The following BRCA1 variants were observed in gnomAD, a reference collection of about 807,000 sequenced individuals.
The protein encoded by BRCA1 is breast cancer type 1 susceptibility protein.
In BRCA1, 140 loss-of-function variants were observed where a neutral mutation model predicts 173.7. The ratio of observed to expected loss-of-function variants is 0.81; its 90% CI spans 0.70 to 0.93. The LOEUF is 0.93. BRCA1 is among the 40% of genes least tolerant of loss of function. The pLI, the probability that BRCA1 is intolerant of heterozygous loss-of-function variation, is 0.00. For synonymous variants in BRCA1, 662 were observed against 756.0 expected, an observed-to-expected ratio of 0.88 and a Z score of 2.04; for missense variants, 1,983 against 2,172.5, an observed-to-expected ratio of 0.91 and a Z score of 1.73.
rs35584960 is a variant in BRCA1 at position 43,102,357 on chromosome 17, C to CTT, written c.441+1763_441+1764dup. ...AAGTGCTGGGATTACAGGCGTGAAG[C>CTT]TTTTTTTTTTTTTTTTTTGAGACGG... On this transcript the variant is annotated intron_variant, in intron 6 of 22. Transcript: ENST00000357654. Among the ~76,000 whole-genome samples, 468 of 93,176 alleles carry CTT rather than the reference C, an allele frequency of 5.0e-3. 33 individuals carry two copies. Among genetic ancestry groups the CTT allele is most frequent in the African/African-American group, 0.017 (384 of 22,848 alleles). 61.1% of individuals were successfully genotyped at this position (93,176 alleles called of 152,430 possible).
At chr17:43,169,487 A>C (rs2056301890) in intron 1 of BRCA1, among the ~76,000 whole-genome samples, 1 of 152,132 alleles carries the variant, frequency 6.6e-6, no homozygotes, top group Non-Finnish European at 1.5e-5. Flanking sequence ...GTTCTTATAC[A>C]CATGGTGTCC....
rs1555581858 is a variant in BRCA1, at chr17:43,074,377, C to T, written c.4629G>A (p.Gly1543=). The T allele has an allele frequency of 1.2e-6, 2 of 1,614,080 alleles. No individual in the cohort carries two copies. The highest frequency in any genetic ancestry group is 1.7e-6 in the Non-Finnish European group (2 of 1,179,988). The change falls in exon 14 of 23, where the codon GGG becomes GGA. Residue 1543 remains glycine (G), a synonymous_variant. Coordinates refer to ENST00000357654, the MANE Select transcript of BRCA1 (RefSeq NM_007294.4). ...AAGATGTTTCCGTCAAATCGTGTGG[C>T]CCAGACTCTTCCAGCTGTTGCTCCT... ...DVEEQQLEES[G]PHDLTETSYL... is the part of the protein sequence containing the mutation.
At position 43,087,963 on chromosome 17, in the gene BRCA1, T is replaced by C. The variant is rs8176167; in HGVS notation, c.4185+2981A>G. 9.5e-3 allele frequency among the ~76,000 whole-genome samples: 1,440 copies of C among 152,090 alleles called. 16 individuals are homozygous for C. Among genetic ancestry groups the C allele is most frequent in the Middle Eastern group, 0.041 (12 of 294 alleles). On this transcript the variant is annotated intron_variant, in intron 11 of 22. Coordinates refer to ENST00000357654, the MANE Select transcript of BRCA1 (RefSeq NM_007294.4). ...GTGCAGTAGCGTGATCACAACTCAC[T>C]GCAGCCTTGACCTCCGGGGCTCAGG...
At chr17:43,124,544 ATCC>A (rs1223495244) in intron 1 of BRCA1, among the ~76,000 whole-genome samples, 2 of 151,962 alleles carry the variant, frequency 1.3e-5, no homozygotes, top group African/African-American at 4.8e-5. Flanking sequence ...TCATCTCTGG[ATCC>A]TCCTCAAGCA....
At chr17:43,124,988 C>A in intron 1 of BRCA1, 1 of 367,920 alleles carries the variant, frequency 2.7e-6, no homozygotes, top group Non-Finnish European at 5.5e-6. Context: ...TCATGACCAG[C>A]CGACGTTTTT....
chr17:43,164,092 A>C (rs910889981), intron 1 of BRCA1: 2 of 152,258 alleles, frequency 1.3e-5, no homozygotes, highest in African/African-American at 4.8e-5. Flanking sequence ...TGCAGATGGA[A>C]TATTTGATGC....
intron 12 of BRCA1, among the ~76,000 whole-genome samples, chr17:43,077,940 G>A (rs923939356): frequency 6.6e-6 from 1 of 151,486 alleles, no homozygotes; most frequent in African/African-American, 2.4e-5. Flanking sequence ...TCTCCATGTT[G>A]GTCACGCTGG....
intron 1 of BRCA1, among the ~76,000 whole-genome samples, chr17:43,130,667 A>G (rs555721156): frequency 2.0e-5 from 3 of 152,300 alleles, no homozygotes; most frequent in African/African-American, 7.2e-5. Context: ...TTGCATATTC[A>G]TTTTTAATTT....
intron 1 of BRCA1, among the ~76,000 whole-genome samples, chr17:43,157,557 A>C (rs2056205333): frequency 6.6e-6 from 1 of 151,736 alleles, no homozygotes; most frequent in Non-Finnish European, 1.5e-5. Flanking sequence ...TTAGCTGGGC[A>C]TGGTGGCACA....
chr17:43,084,770 C>T (rs1028686556), intron 11 of BRCA1, among the ~76,000 whole-genome samples: 1 of 152,142 alleles, frequency 6.6e-6, no homozygotes, highest in African/African-American at 2.4e-5. Flanking sequence ...ACGTGGTACT[C>T]GTGAGTAGTT....
intron 19 of BRCA1, among the ~76,000 whole-genome samples, chr17:43,053,130 G>A (rs1322793984): frequency 6.6e-6 from 1 of 151,792 alleles, no homozygotes; most frequent in Non-Finnish European, 1.5e-5. Context: ...CCCGCCTCAG[G>A]CTCCCAAAGA....
chr17:43,116,024 T>C (rs558739431), intron 2 of BRCA1, among the ~76,000 whole-genome samples: 1 of 152,330 alleles, frequency 6.6e-6, no homozygotes, highest in African/African-American at 2.4e-5. Flanking sequence ...ATCCCTTCAA[T>C]ACTCTATACT....
intron 2 of BRCA1, among the ~76,000 whole-genome samples, chr17:43,121,130 C>T (rs2154570758): frequency 1.3e-5 from 2 of 151,824 alleles, no homozygotes; most frequent in African/African-American, 4.8e-5. Flanking sequence ...AATCCCAGCA[C>T]TTTGGAAGGC....
In BRCA1 at chr17:43,104,920, A is replaced by C. The variant is rs780485347; in HGVS notation, c.249T>G (p.Val83=). 1.2e-6 allele frequency: 2 copies of C among 1,613,952 alleles called. No individual in the cohort carries two copies. Among genetic ancestry groups the C allele is most frequent in the Non-Finnish European group, 1.7e-6 (2 of 1,179,980 alleles). ...LQESTRFSQL[V]EELLKIICAF... ...CACAAATGATTTTCAATAGCTCTTC[A>C]ACAAGTTGACTAAATCTCGTACTTT... The change falls in exon 5 of 23, where the codon GTT becomes GTG. Residue 83 remains valine (V), a synonymous_variant. Coordinates refer to ENST00000357654, the MANE Select transcript of BRCA1 (RefSeq NM_007294.4).
At chr17:43,049,093 C>A (rs1567758831) in intron 21 of BRCA1, 28 bp downstream of exon 21, 1 of 1,602,204 alleles carries the variant, frequency 6.2e-7, no homozygotes, top group African/African-American at 1.3e-5. Context: ...TTGTGTCCTC[C>A]CTCTCTGACA....
At chr17:43,100,856 C>A (rs968232117) in intron 6 of BRCA1, among the ~76,000 whole-genome samples, 3 of 147,796 alleles carry the variant, frequency 2.0e-5, no homozygotes, top group African/African-American at 7.5e-5. Flanking sequence ...CTCAGCCTCC[C>A]GAGTAGCTGG....
chr17:43,119,933 T>G (rs1347685987), intron 2 of BRCA1, among the ~76,000 whole-genome samples: 3 of 152,312 alleles, frequency 2.0e-5, no homozygotes, highest in South Asian at 2.1e-4. Flanking sequence ...GAAGGAAGAC[T>G]GTGAAAAGGG....
intron 13 of BRCA1, among the ~76,000 whole-genome samples, chr17:43,075,601 C>G (rs980393078): frequency 6.6e-6 from 1 of 151,510 alleles, no homozygotes; most frequent in Non-Finnish European, 1.5e-5. Context: ...CTTGCTCTGT[C>G]GCCCAGGCTG....
chr17:43,100,086 T>C (rs901774321), intron 6 of BRCA1, among the ~76,000 whole-genome samples: 1 of 152,168 alleles, frequency 6.6e-6, no homozygotes, highest in Non-Finnish European at 1.5e-5. Flanking sequence ...TCCCAGCACT[T>C]TGGGAGGCTG....
Sources: allele counts gnomAD v4.1 joint callset (sites outside exome capture counted in the v4.1 genomes callset), GRCh38; gene constraint gnomAD v4.1.1; transcripts MANE v1.5; gene names NCBI Gene and HGNC (gene_info 2026-07-23, HGNC 2026-07-21).